SEMA5A: variants seen among roughly 807,000 people sequenced by gnomAD.
SEMA5A encodes the protein semaphorin 5A, also known as semaphorin-5A.
Under a neutral mutation model 135.5 loss-of-function variants are expected in SEMA5A, and 55 were observed. The ratio of observed to expected loss-of-function variants is 0.41; its 90% CI spans 0.33 to 0.51. The LOEUF (loss-of-function observed/expected upper bound fraction) is 0.51. Ranked by LOEUF, SEMA5A falls within the 20% of genes least tolerant of loss-of-function variation. The pLI is 0.37. For missense variants in SEMA5A, 1,290 were observed against 1,419.9 expected, an observed-to-expected ratio of 0.91 and a Z score of 1.47; for synonymous variants, 580 against 546.5, an observed-to-expected ratio of 1.06 and a Z score of -0.85.
intron 5 of SEMA5A, among the ~76,000 whole-genome samples, chr5:9,307,902 C>T (rs1053819362): frequency 1.1e-5 from 1 of 88,836 alleles, no homozygotes; most frequent in Non-Finnish European, 3.2e-5. Context: ...ACATGACTAA[C>T]AAATATATTC....
intron 8 of SEMA5A, among the ~76,000 whole-genome samples, chr5:9,207,904 GATAGATAGATA>G (rs1286850333): frequency 2.7e-3 from 105 of 38,782 alleles, no homozygotes; most frequent in African/African-American, 4.2e-3. Flanking sequence ...TAGATACATA[GATAGATAGATA>G]ATAGATAGAT....
rs544350133 is a variant in SEMA5A, at chr5:9,504,208, G to A, written c.-175+41376C>T. Among the ~76,000 whole-genome samples the A allele has an allele frequency of 8.3e-3, 936 of 112,952 alleles. 12 individuals are homozygous for A. Among genetic ancestry groups the A allele is most frequent in the African/African-American group, 0.03 (880 of 29,340 alleles). The allele number at this position is 112,952 out of a possible 152,430, so 74.1% of individuals were successfully genotyped here. A position where few individuals can be genotyped will look rare whatever the true frequency, so the allele number is the denominator to read the frequency against. ...CCAGCCTGGGACAGAGCAAGACTCCGTCTCAAAAAAAAAAAGAAAAAAAAA... is the reference window on the plus strand; with the variant it reads ...CCAGCCTGGGACAGAGCAAGACTCCATCTCAAAAAAAAAAAGAAAAAAAAA... On this transcript the variant is annotated intron_variant, in intron 1 of 22. Coordinates refer to ENST00000382496, the MANE Select transcript of SEMA5A (RefSeq NM_003966.3).
At chr5:9,254,577 G>A (rs1748965975) in intron 5 of SEMA5A, among the ~76,000 whole-genome samples, 1 of 152,152 alleles carries the variant, frequency 6.6e-6, no homozygotes, top group Non-Finnish European at 1.5e-5. Context: ...GGAAAAACAG[G>A]AAAGGTCAGA....
At chr5:9,345,061 G>A (rs1424531123) in intron 3 of SEMA5A, among the ~76,000 whole-genome samples, 7 of 152,062 alleles carry the variant, frequency 4.6e-5, no homozygotes, top group Admixed American at 1.3e-4. Flanking sequence ...ACCTAACACC[G>A]GCATTTAGAT....
chr5:9,125,990 CT>C (rs1741088854), intron 13 of SEMA5A, among the ~76,000 whole-genome samples: 1 of 152,190 alleles, frequency 6.6e-6, no homozygotes, highest in Non-Finnish European at 1.5e-5. Context: ...CACATCCAGA[CT>C]CCTGCTTGCT....
chr5:9,268,169 T>C (rs1186401703), intron 5 of SEMA5A, among the ~76,000 whole-genome samples: 2 of 152,144 alleles, frequency 1.3e-5, no homozygotes, highest in African/African-American at 4.8e-5. Context: ...TATTTGCCCT[T>C]GAAAATTTTT....
intron 1 of SEMA5A, among the ~76,000 whole-genome samples, chr5:9,524,878 A>C (rs1331889444): frequency 6.6e-6 from 1 of 152,184 alleles, no homozygotes; most frequent in Admixed American, 6.5e-5. Context: ...TCATATACTA[A>C]CCATATATCT....
chr5:9,449,065 G>A (rs1758538614), intron 1 of SEMA5A, among the ~76,000 whole-genome samples: 1 of 152,170 alleles, frequency 6.6e-6, no homozygotes, highest in Non-Finnish European at 1.5e-5. Context: ...TTTCATTACT[G>A]AGTATATACC....
rs940583776 is a variant in SEMA5A, at chr5:9,036,036, G to A, written c.*6861C>T. The stretch of plus-strand genomic sequence containing the variant: ...CCAACAGCAAATTAACGCAGAATGA[G>A]GCATTTAACATTTGATAACATCTTT... On this transcript the variant is annotated 3_prime_UTR_variant, in exon 23 of 23. Transcript: ENST00000382496. 4 of 151,132 alleles carry A rather than the reference G, an allele frequency of 2.6e-5. No homozygotes were observed. The highest frequency in any genetic ancestry group is 7.3e-5 in the African/African-American group (3 of 41,078). 9.4% of individuals were successfully genotyped at this position (151,132 alleles called of 1,614,324 possible).
chr5:9,117,310 G>A (rs1406070268), intron 15 of SEMA5A, among the ~76,000 whole-genome samples: 2 of 152,166 alleles, frequency 1.3e-5, no homozygotes, highest in South Asian at 2.1e-4. Flanking sequence ...GTTTGTGGTG[G>A]TGCCTTGACT....
At chr5:9,367,324 T>G (rs1490945201) in intron 3 of SEMA5A, 1 of 152,176 alleles carries the variant, frequency 6.6e-6, no homozygotes, top group Non-Finnish European at 1.5e-5. Context: ...ATGAGTTCTC[T>G]TATTGTTCTG....
intron 1 of SEMA5A, among the ~76,000 whole-genome samples, chr5:9,492,622 T>C (rs924855299): frequency 2.0e-5 from 3 of 152,206 alleles, no homozygotes; most frequent in African/African-American, 7.2e-5. Flanking sequence ...TCTATTTACT[T>C]TCCATTTTTA....
At chr5:9,418,322 C>A (rs557689351) in intron 2 of SEMA5A, among the ~76,000 whole-genome samples, 1 of 152,178 alleles carries the variant, frequency 6.6e-6, no homozygotes, top group Non-Finnish European at 1.5e-5. Context: ...GAGTGCTCCA[C>A]TCTTACAACC....
chr5:9,364,003 A>G (rs1754809360), intron 3 of SEMA5A, among the ~76,000 whole-genome samples: 1 of 152,224 alleles, frequency 6.6e-6, no homozygotes, highest in African/African-American at 2.4e-5. Flanking sequence ...GTTGCTGAAG[A>G]AACCTGGGGT....
At chr5:9,162,564 G>GTATGTATATATATATATATA (rs1553995446) in intron 11 of SEMA5A, among the ~76,000 whole-genome samples, 24 of 84,056 alleles carry the variant, frequency 2.9e-4, no homozygotes, top group African/African-American at 8.2e-4. Context: ...GTGTGTGTGT[G>GTATGTATATATATATATATA]TATATATATA....
intron 2 of SEMA5A, among the ~76,000 whole-genome samples, chr5:9,391,641 C>T (rs1877459): frequency 0.14 from 21,454 of 152,126 alleles, 1,945 homozygotes; most frequent in East Asian, 0.32. Context: ...TACCGCACCC[C>T]TGTCCCCTTC....
At chr5:9,273,482 C>A (rs1195531139) in intron 5 of SEMA5A, among the ~76,000 whole-genome samples, 1 of 152,042 alleles carries the variant, frequency 6.6e-6, no homozygotes, top group African/African-American at 2.4e-5. Context: ...TCAGGAAATA[C>A]AGAGAACACC....
At chr5:9,155,931 G>A (rs1742929326) in intron 11 of SEMA5A, among the ~76,000 whole-genome samples, 1 of 152,198 alleles carries the variant, frequency 6.6e-6, no homozygotes, top group African/African-American at 2.4e-5. Flanking sequence ...GAAAAATCAT[G>A]TAGACAGTAT....
At chr5:9,242,469 C>T (rs142406648) in intron 5 of SEMA5A, among the ~76,000 whole-genome samples, 3 of 152,112 alleles carry the variant, frequency 2.0e-5, no homozygotes, top group Admixed American at 6.6e-5. Flanking sequence ...CTTTCATTTC[C>T]GTCCATGTCA....
Sources: allele counts gnomAD v4.1 joint callset (sites outside exome capture counted in the v4.1 genomes callset), GRCh38; gene constraint gnomAD v4.1.1; transcripts MANE v1.5; gene names NCBI Gene and HGNC (gene_info 2026-07-23, HGNC 2026-07-21).